Variants in SERAC1 observed in about 807,000 individuals in gnomAD.
SERAC1 encodes the protein serine active site containing 1, also known as protein SERAC1.
Under a neutral mutation model 85.7 loss-of-function variants are expected in SERAC1, and 36 were observed. The ratio of observed to expected loss-of-function variants is 0.42; its 90% confidence interval spans 0.32 to 0.55. The LOEUF is 0.55. SERAC1 is among the 20% of genes least tolerant of loss of function. SERAC1 has a pLI of 0.11. For missense variants in SERAC1, 629 were observed against 796.2 expected (o/e 0.79, Z 2.53); for synonymous variants, 242 against 265.3 (o/e 0.91, Z 0.85).
chr6:158,137,873 T>C (rs528249638), intron 8 of SERAC1, among the ~76,000 whole-genome samples: 1 of 151,750 alleles, frequency 6.6e-6, no homozygotes, highest in Non-Finnish European at 1.5e-5. Context: ...AGTGAGACCC[T>C]CATCTCAAAA....
At position 158,113,594 on chromosome 6, in the gene SERAC1, T is replaced by C. The variant is rs1411337598; in HGVS notation, c.1685-2A>G. 6.2e-7 allele frequency: 1 copy of C among 1,612,170 alleles called. No homozygotes were observed. ...GTAGTGTTTTAAGTGCAGGAGAATC[T>C]GTAAAATTATACAGAACAAGACTGT... On this transcript the variant is annotated splice_acceptor_variant, in intron 15 of 16. Coordinates refer to ENST00000647468, the MANE Select transcript of SERAC1 (RefSeq NM_032861.4). LOFTEE classifies it high-confidence loss of function.
chr6:158,114,400 C>T (rs1784224684), intron 15 of SERAC1: 10 of 791,596 alleles, frequency 1.3e-5, no homozygotes, highest in Non-Finnish European at 1.5e-5. Flanking sequence ...CTTATCAAAC[C>T]AGAGTACTTT....
At chr6:158,116,405 GAAATACCCCCATTCTCTCTGCTTAATATA>G (rs1784291225) in intron 13 of SERAC1, 123 bp from the exon 14 acceptor site, 1 of 690,376 alleles carries the variant, frequency 1.4e-6, no homozygotes, top group Non-Finnish European at 2.5e-6. Flanking sequence ...TTTAGAGTAA[GAAATACCCCCATTCTCTCTGCTTAATATA>G]AAATACCCCT....
chr6:158,147,937 C>T lies in SERAC1; in HGVS notation c.355+928G>A, dbSNP rs558767136. On this transcript the variant is annotated intron_variant, in intron 5 of 16. Coordinates refer to ENST00000647468, the MANE Select transcript of SERAC1 (RefSeq NM_032861.4). Reference sequence around the variant, plus strand: ...GACAAAATGACATTTCAGCCTTTCACAGTTCAACCTGCATCTCCTAAGAAC... The same window carrying T: ...GACAAAATGACATTTCAGCCTTTCATAGTTCAACCTGCATCTCCTAAGAAC... 7.9e-5 allele frequency among the ~76,000 whole-genome samples: 12 copies of T among 152,176 alleles called. No individual in the cohort carries two copies. In the East Asian group the frequency reaches 2.3e-3, roughly 29 times the overall value.
At chr6:158,148,817 A>C (rs1182047824) in intron 5 of SERAC1, 48 bp downstream of exon 5, 4 of 1,291,832 alleles carry the variant, frequency 3.1e-6, no homozygotes, top group Admixed American at 2.0e-5. Flanking sequence ...CATTCCAATG[A>C]CTTTCAGATT....
Position 158,119,174 on chromosome 6 carries a change from A to G in SERAC1, c.1167-4T>C. 1 of 1,606,204 alleles carries G rather than the reference A, an allele frequency of 6.2e-7. No individual in the cohort carries two copies. The highest frequency in any genetic ancestry group is 8.5e-7 in the Non-Finnish European group (1 of 1,175,580). On this transcript the variant is annotated splice_polypyrimidine_tract_variant and splice_region_variant and intron_variant, in intron 11 of 16. Transcript: ENST00000647468. This position sits in a 1 kb window ranked among gnomAD's most constrained non-coding sequence, Gnocchi z 4.5. ...GACATCTGCTTTAATGGGCTGACTA[A>G]TAGGGGAGAGAGTTTTAAAAAGAAG...
Position 158,146,827 on chromosome 6 carries a change from G to T in SERAC1, c.442C>A (p.Arg148=). The change falls in exon 6 of 17, where the codon CGA becomes AGA. Residue 148 remains arginine, a synonymous_variant. Transcript: ENST00000647468. The part of the protein sequence containing the change: ...RKSKSDDKTT[R]LEAVREMSET... ...GACATTTCCCGCACAGCCTCGAGTC[G>T]CGTGGTTTTGTCATCTGACTTGCTC... is the stretch of plus-strand genomic sequence containing the variant. The T allele has an allele frequency of 2.5e-6, 4 of 1,613,922 alleles. No homozygotes were observed. Among genetic ancestry groups the T allele is most frequent in the Non-Finnish European group, 3.4e-6 (4 of 1,179,906 alleles).
In SERAC1 at chr6:158,129,241, C is replaced by T. The variant is rs149200416; in HGVS notation, c.853-971G>A. 3.9e-3 allele frequency among the ~76,000 whole-genome samples: 594 copies of T among 152,370 alleles called. 6 individuals are homozygous for T. The highest frequency in any genetic ancestry group is 0.014 in the African/African-American group (569 of 41,594). ...GTTTTCCCAGGTCCCTTCTGTACTA[C>T]AACACCTTATTCCCTCTGCTTTGTG... On this transcript the variant is annotated intron_variant, in intron 9 of 16. Transcript: ENST00000647468.
intron 3 of SERAC1, 79 bp from the exon 4 acceptor site, chr6:158,150,668 G>C: frequency 9.3e-7 from 1 of 1,072,426 alleles, no homozygotes; most frequent in Middle Eastern, 2.6e-4. Flanking sequence ...TATTAAGCTT[G>C]TCATAGTAAA....
rs1186847373 is a variant in SERAC1, at chr6:158,110,641, G to A, written c.*725C>T. Reference sequence around the variant, plus strand: ...CTAATTCATATAATGGCTTAGAATAGTTTTACTTCATACTGTGATCAATAA... The same window carrying A: ...CTAATTCATATAATGGCTTAGAATAATTTTACTTCATACTGTGATCAATAA... On this transcript the variant is annotated 3_prime_UTR_variant, in exon 17 of 17. Transcript: ENST00000647468. 1.3e-5 allele frequency: 2 copies of A among 152,154 alleles called. No individual in the cohort carries two copies. Among genetic ancestry groups the A allele is most frequent in the Admixed American group, 6.5e-5 (1 of 15,272 alleles). 9.4% of individuals were successfully genotyped at this position (152,154 alleles called of 1,614,324 possible).
At chr6:158,126,669 A>G (rs1301680314) in intron 10 of SERAC1, among the ~76,000 whole-genome samples, 2 of 152,180 alleles carry the variant, frequency 1.3e-5, no homozygotes, top group Admixed American at 1.3e-4. Context: ...GTCTTAAAGT[A>G]TCTCCCCACA....
chr6:158,150,464 C>T lies in SERAC1; in HGVS notation c.254G>A (p.Gly85Glu), dbSNP rs376468988. 6.4e-7 allele frequency: 1 copy of T among 1,572,982 alleles called. No individual in the cohort carries two copies. The change falls in exon 4 of 17, where the codon GGA becomes GAA. Residue 85 changes from glycine to glutamate, a missense_variant. Transcript: ENST00000647468. ...TACAATAAACTTACCATGATTTTCT[C>T]CTTTGTCTAAAGAAACTGTGTGCAC... is the stretch of plus-strand genomic sequence containing the variant. ...IYVHTVSLDK[G>E]ENHGIAWQAR...
intron 5 of SERAC1, among the ~76,000 whole-genome samples, chr6:158,147,655 A>C (rs1785098783): frequency 6.7e-6 from 1 of 150,052 alleles, no homozygotes; most frequent in Non-Finnish European, 1.5e-5. Flanking sequence ...CTGCAGTCCC[A>C]GCTACTCGGG....
At chr6:158,133,191 C>T (rs897024648) in intron 8 of SERAC1, among the ~76,000 whole-genome samples, 9 of 151,470 alleles carry the variant, frequency 5.9e-5, no homozygotes, top group East Asian at 3.9e-4. Context: ...CCCAGCTACC[C>T]GGGAGGCTGA....
At position 158,130,415 on chromosome 6, in the gene SERAC1, T is replaced by C; in HGVS notation, c.810A>G (p.Thr270=). 6.2e-7 allele frequency: 1 copy of C among 1,602,054 alleles called. No individual in the cohort carries two copies. The highest frequency in any genetic ancestry group is 8.5e-7 in the Non-Finnish European group (1 of 1,175,640). ...TAGCTTCTAAACAGAACATTTCCAC[T>C]GTTGCTGAAGGAACTTCTCCAAAAC... is the stretch of plus-strand genomic sequence containing the variant. ...AESFGEVPSA[T]VEMFCLEAIV... is the part of the protein sequence containing the mutation. The change falls in exon 9 of 17, where the codon ACA becomes ACG. Residue 270 remains threonine, a synonymous_variant. Coordinates refer to ENST00000647468, the MANE Select transcript of SERAC1 (RefSeq NM_032861.4).
At chr6:158,114,712 AG>A (rs1426508153) in intron 15 of SERAC1, 76 bp downstream of exon 15, 1 of 1,594,180 alleles carries the variant, frequency 6.3e-7, no homozygotes, top group East Asian at 2.2e-5. Context: ...AATACATTCA[AG>A]GAAGAAACTT....
chr6:158,124,748 AACACACACACACACAC>A (rs201023302), intron 10 of SERAC1, among the ~76,000 whole-genome samples: 3 of 131,406 alleles, frequency 2.3e-5, no homozygotes, highest in Non-Finnish European at 3.2e-5. Context: ...AATGCTGGAA[AACACACACACACACAC>A]ACACACACAC....
chr6:158,162,725 T>C (rs1268856420), intron 1 of SERAC1, among the ~76,000 whole-genome samples: 1 of 152,256 alleles, frequency 6.6e-6, no homozygotes, highest in Non-Finnish European at 1.5e-5. Flanking sequence ...TAGACTATCA[T>C]TCGATCCATC....
intron 1 of SERAC1, chr6:158,159,091 T>C (rs190579932): frequency 7.2e-5 from 11 of 152,236 alleles, no homozygotes; most frequent in Non-Finnish European, 1.5e-4. Flanking sequence ...ACCTTGAAGG[T>C]ACCTCTCTCT....
Sources: allele counts gnomAD v4.1 joint callset (sites outside exome capture counted in the v4.1 genomes callset), GRCh38; gene constraint gnomAD v4.1.1; non-coding constraint Gnocchi (gnomAD v3.1); transcripts MANE v1.5; gene names NCBI Gene and HGNC (gene_info 2026-07-23, HGNC 2026-07-21).